SLC2A5: variants seen among roughly 807,000 people sequenced by gnomAD.
SLC2A5 encodes the protein solute carrier family 2, facilitated glucose transporter member 5.
Under a neutral mutation model 50.3 loss-of-function variants are expected in SLC2A5, and 56 were observed. The ratio of observed to expected loss-of-function variants is 1.11; its 90% CI spans 0.90 to 1.39. The LOEUF (loss-of-function observed/expected upper bound fraction) is 1.39, where lower values mean the gene tolerates loss of function less well. Ranked by LOEUF, SLC2A5 falls within the 40% of genes most tolerant of loss-of-function variation. The pLI, the probability that SLC2A5 is intolerant of heterozygous loss-of-function variation, is 0.00. For synonymous variants in SLC2A5, 269 were observed against 281.9 expected (o/e 0.95, Z 0.46); for missense variants, 566 against 650.1 (o/e 0.87, Z 1.41).
upstream of SLC2A5, among the ~76,000 whole-genome samples, chr1:9,091,864 C>T (rs1245946584): frequency 2.0e-5 from 3 of 152,092 alleles, no homozygotes; most frequent in Non-Finnish European, 4.4e-5. Flanking sequence ...GCTCCCTTGC[C>T]TTTGGGCACA....
chr1:9,055,432 G>T (rs976686532), intron 3 of SLC2A5, among the ~76,000 whole-genome samples: 8 of 151,918 alleles, frequency 5.3e-5, no homozygotes, highest in Admixed American at 3.3e-4. Flanking sequence ...CAGGAGAATC[G>T]TTTGAACCCG....
chr1:9,075,953 G>A lies in SLC2A5; in HGVS notation c.-58-6359C>T, dbSNP rs545242090. Among the ~76,000 whole-genome samples, 270 of 128,968 alleles carry A rather than the reference G, an allele frequency of 2.1e-3. 2 individuals are homozygous for A. Among genetic ancestry groups the A allele is most frequent in the African/African-American group, 7.2e-3 (245 of 34,132 alleles). 84.6% of individuals were successfully genotyped at this position (128,968 alleles called of 152,430 possible). On this transcript the variant is annotated intron_variant, in intron 2 of 5. Coordinates refer to the SLC2A5 transcript ENST00000464985. ...TGGGATTACAGGCGTGAGCCACCGC[G>A]CCCGGCATTTTTTTTTTTTTGAGAC...
At chr1:9,063,956 A>G (rs1229102015) in intron 1 of SLC2A5, among the ~76,000 whole-genome samples, 1 of 129,464 alleles carries the variant, frequency 7.7e-6, no homozygotes, top group African/African-American at 3.4e-5. Context: ...CGGCCTCCCA[A>G]AGTGCTGGGA....
Position 9,057,689 on chromosome 1 carries a change from T to C in SLC2A5, c.133-81A>G, listed in dbSNP as rs6680123. 26,249 of 1,241,288 alleles carry C rather than the reference T, an allele frequency of 0.021. 747 individuals are homozygous for C. Among genetic ancestry groups the C allele is most frequent in the African/African-American group, 0.094 (6,254 of 66,326 alleles). The allele number at this position is 1,241,288 out of a possible 1,614,324, so 76.9% of individuals were successfully genotyped here. A position where few individuals can be genotyped will look rare whatever the true frequency, so the allele number is the denominator to read the frequency against. ...GAACATTAGCTGTTAGGACACCCAA[T>C]GAAATAACCTGGGCACACAGAGACC... is the stretch of plus-strand genomic sequence containing the variant. On this transcript the variant is annotated intron_variant, in intron 2 of 11. Transcript: ENST00000377424.
chr1:9,087,602 C>T lies in SLC2A5; in HGVS notation c.-188+770G>A, dbSNP rs535777406. Among the ~76,000 whole-genome samples, 36 of 152,032 alleles carry T rather than the reference C, an allele frequency of 2.4e-4. 1 individual carries two copies. In the East Asian group the frequency reaches 6.8e-3, roughly 29 times the overall value. ...CAACCCAAGAGGCAGTGGGCAGCAG[C>T]GGCCCTCATCCTGAATTAACTCCTG... On this transcript the variant is annotated intron_variant, in intron 1 of 5. Coordinates refer to the SLC2A5 transcript ENST00000464985.
At chr1:9,065,594 G>A (rs1642060258) in intron 1 of SLC2A5, among the ~76,000 whole-genome samples, 1 of 152,230 alleles carries the variant, frequency 6.6e-6, no homozygotes, top group Non-Finnish European at 1.5e-5. Context: ...CCGCTGCGGT[G>A]GTTTGGAGCA....
upstream of SLC2A5, chr1:9,071,791 A>G (rs1305773972): frequency 6.6e-6 from 1 of 152,510 alleles, no homozygotes; most frequent in African/African-American, 2.4e-5. Context: ...GGAGGCCGTC[A>G]TGACGCCAGG....
intron 3 of SLC2A5, among the ~76,000 whole-genome samples, chr1:9,057,137 C>T (rs575752898): frequency 2.0e-5 from 3 of 152,026 alleles, no homozygotes; most frequent in African/African-American, 7.2e-5. Flanking sequence ...ACTAGAAATA[C>T]ATTAGCTGGG....
At chr1:9,071,438 G>C (rs888781578), upstream of SLC2A5, among the ~76,000 whole-genome samples, 2 of 152,048 alleles carry the variant, frequency 1.3e-5, no homozygotes, top group African/African-American at 4.8e-5. Context: ...AAAAATAATC[G>C]TCCAAAGTTT....
At position 9,036,962 on chromosome 1, in the gene SLC2A5, T is replaced by A. The variant is rs944599851; in HGVS notation, c.*624A>T. 6.6e-6 allele frequency: 1 copy of A among 152,218 alleles called. No homozygotes were observed. The highest frequency in any genetic ancestry group is 2.4e-5 in the African/African-American group (1 of 41,380). 9.4% of individuals were successfully genotyped at this position (152,218 alleles called of 1,614,324 possible). A position where few individuals can be genotyped will look rare whatever the true frequency, so the allele number is the denominator to read the frequency against. On this transcript the variant is annotated 3_prime_UTR_variant, in exon 12 of 12. Coordinates refer to ENST00000377424, the MANE Select transcript of SLC2A5 (RefSeq NM_003039.3). ...CACGTCTTGTTGAAAAGTGATCAGGTTCATTTTATTGACTACACAGAAGCA... is the reference window on the plus strand; with the variant it reads ...CACGTCTTGTTGAAAAGTGATCAGGATCATTTTATTGACTACACAGAAGCA...
At chr1:9,086,645 C>A (rs762996094) in intron 1 of SLC2A5, among the ~76,000 whole-genome samples, 2 of 152,144 alleles carry the variant, frequency 1.3e-5, no homozygotes, top group Non-Finnish European at 2.9e-5. Context: ...CCCACCTTGG[C>A]CTCCCAAAGT....
intron 4 of SLC2A5, among the ~76,000 whole-genome samples, chr1:9,045,128 G>A (rs556771107): frequency 6.6e-5 from 10 of 152,252 alleles, no homozygotes; most frequent in African/African-American, 2.4e-4. Context: ...CTTCTTGCCA[G>A]GCCACATCAC....
Position 9,058,148 on chromosome 1 carries a change from C to A in SLC2A5, c.132+4G>T. ...CCCACATCTTGCTCACCACAGTGAC[C>A]TACCAGTGCTGGGGAGTTGACAGCA... is the stretch of plus-strand genomic sequence containing the variant. On this transcript the variant is annotated splice_donor_region_variant and intron_variant, in intron 2 of 11. Transcript: ENST00000377424. The A allele has an allele frequency of 6.2e-7, 1 of 1,606,238 alleles. No individual in the cohort carries two copies. The highest frequency in any genetic ancestry group is 8.5e-7 in the Non-Finnish European group (1 of 1,172,844).
intron 4 of SLC2A5, among the ~76,000 whole-genome samples, chr1:9,046,844 C>T (rs151147253): frequency 6.6e-6 from 1 of 152,054 alleles, no homozygotes; most frequent in African/African-American, 2.4e-5. Context: ...AATCTCATCT[C>T]AAATTGTAAT....
intron 5 of SLC2A5, 59 bp downstream of exon 5, chr1:9,041,726 G>T: frequency 5.6e-6 from 9 of 1,613,674 alleles, no homozygotes; most frequent in Middle Eastern, 1.7e-4. Flanking sequence ...GGAACACAAG[G>T]AGGGGGCCAA....
chr1:9,051,076 G>C (rs1265032709), intron 3 of SLC2A5, among the ~76,000 whole-genome samples: 2 of 152,032 alleles, frequency 1.3e-5, no homozygotes, highest in Non-Finnish European at 2.9e-5. Flanking sequence ...AGGAACCAGT[G>C]GCATATCAAG....
chr1:9,047,131 T>G (rs779410668), intron 4 of SLC2A5, among the ~76,000 whole-genome samples: 1 of 152,182 alleles, frequency 6.6e-6, no homozygotes, highest in Non-Finnish European at 1.5e-5. Context: ...TTGGGGAGTA[T>G]TCTTTACAGC....
chr1:9,084,490 G>T (rs564969373), intron 2 of SLC2A5, among the ~76,000 whole-genome samples: 8 of 152,176 alleles, frequency 5.3e-5, no homozygotes, highest in South Asian at 2.1e-4. Context: ...TGCGGTTAAG[G>T]TCCCACTGGC....
At chr1:9,076,099 A>G (rs1322340886) in intron 2 of SLC2A5, among the ~76,000 whole-genome samples, 1 of 151,730 alleles carries the variant, frequency 6.6e-6, no homozygotes, top group Non-Finnish European at 1.5e-5. Context: ...GGAATTACAG[A>G]CGCACGCCAC....
Sources: gnomAD v4.1 joint callset for allele counts (sites outside exome capture counted in the v4.1 genomes callset) on GRCh38, gnomAD v4.1.1 for gene constraint, MANE v1.5 for transcripts, NCBI Gene and HGNC (gene_info 2026-07-23, HGNC 2026-07-21) for gene names.